Variants in HPSE2 observed in about 807,000 individuals in gnomAD.
The protein encoded by HPSE2 is heparanase 2 (inactive).
HPSE2 carries 38 observed loss-of-function variants against 60.5 expected under a neutral mutation model. That is an observed-to-expected ratio of 0.63 (90% CI 0.48 to 0.82). The LOEUF (loss-of-function observed/expected upper bound fraction) is 0.82. Ranked by LOEUF, HPSE2 falls within the 40% of genes least tolerant of loss-of-function variation. HPSE2 has a pLI of 0.00. For synonymous variants in HPSE2, 295 were observed against 293.2 expected (o/e 1.01, Z -0.06); for missense variants, 713 against 740.4 (o/e 0.96, Z 0.43).
At chr10:98,959,436 T>C (rs950152703) in intron 3 of HPSE2, among the ~76,000 whole-genome samples, 2 of 149,192 alleles carry the variant, frequency 1.3e-5, no homozygotes, top group Non-Finnish European at 3.0e-5. Flanking sequence ...CAAACACCCA[T>C]ATATCTTCAA....
chr10:99,094,392 T>C (rs976425664), intron 3 of HPSE2, among the ~76,000 whole-genome samples: 3 of 150,618 alleles, frequency 2.0e-5, no homozygotes, highest in South Asian at 2.1e-4. Context: ...AAAGTATGTG[T>C]ATACACACAT....
intron 11 of HPSE2, among the ~76,000 whole-genome samples, chr10:98,472,556 C>CT: frequency 6.6e-6 from 1 of 152,268 alleles, no homozygotes; most frequent in Admixed American, 6.5e-5. Context: ...ATCTGAAGCC[C>CT]TGCAGGGGTT....
At chr10:98,664,621 T>C (rs1443039994) in intron 6 of HPSE2, among the ~76,000 whole-genome samples, 1 of 152,180 alleles carries the variant, frequency 6.6e-6, no homozygotes, top group African/African-American at 2.4e-5. Context: ...TAAGGGCTTA[T>C]CTATCGGCCA....
intron 2 of HPSE2, among the ~76,000 whole-genome samples, chr10:99,173,067 T>TA (rs1847379366): frequency 6.6e-6 from 1 of 152,158 alleles, no homozygotes; most frequent in Non-Finnish European, 1.5e-5. Flanking sequence ...CTCAGAATAC[T>TA]AAGCCTGGAG....
At chr10:98,548,423 T>A (rs908699435) in intron 9 of HPSE2, among the ~76,000 whole-genome samples, 1 of 152,070 alleles carries the variant, frequency 6.6e-6, no homozygotes, top group African/African-American at 2.4e-5. Flanking sequence ...TCAAGACCAG[T>A]GTGGCCAACA....
chr10:98,828,144 A>AAATCTCTAT (rs925845252), intron 3 of HPSE2, among the ~76,000 whole-genome samples: 24 of 150,776 alleles, frequency 1.6e-4, no homozygotes, highest in African/African-American at 5.5e-4. Context: ...TCCTTAAAAT[A>AAATCTCTAT]AATCTCTATC....
chr10:98,502,104 T>A (rs1564923045), intron 9 of HPSE2, among the ~76,000 whole-genome samples: 1 of 152,168 alleles, frequency 6.6e-6, no homozygotes, highest in Non-Finnish European at 1.5e-5. Flanking sequence ...GTCAATATTG[T>A]GAAAATGACC....
chr10:99,276,872 A>G, the HPSE2 span, among the ~76,000 whole-genome samples: 1 of 152,218 alleles, frequency 6.6e-6, no homozygotes, highest in Non-Finnish European at 1.5e-5. Context: ...TTATCCTACT[A>G]TAATAATATT....
At chr10:98,622,859 G>A (rs962790154) in intron 7 of HPSE2, among the ~76,000 whole-genome samples, 3 of 152,086 alleles carry the variant, frequency 2.0e-5, no homozygotes, top group Non-Finnish European at 2.9e-5. Context: ...CAACTCAAGG[G>A]AAGCAGGGAA....
intron 9 of HPSE2, among the ~76,000 whole-genome samples, chr10:98,580,390 T>C (rs186959270): frequency 3.3e-4 from 50 of 152,200 alleles, no homozygotes; most frequent in African/African-American, 1.2e-3. Flanking sequence ...ACTAGTGAAA[T>C]AGGGGAACCT....
chr10:98,666,076 A>C (rs1947355039), intron 6 of HPSE2, among the ~76,000 whole-genome samples: 3 of 152,234 alleles, frequency 2.0e-5, no homozygotes, highest in Admixed American at 2.0e-4. Flanking sequence ...CTCAAAGTAA[A>C]GGGATGAATA....
rs574594566 is a variant in HPSE2, at chr10:98,938,718, T to A, written c.611-194662A>T. On this transcript the variant is annotated intron_variant, in intron 3 of 11. Coordinates refer to ENST00000370552, the MANE Select transcript of HPSE2 (RefSeq NM_021828.5). The stretch of plus-strand genomic sequence containing the variant: ...TAGCAAGGCACGCCAACATTCAGAC[T>A]CAGGAAATACAGAGAACGCCACAAA... Among the ~76,000 whole-genome samples the A allele has an allele frequency of 2.9e-4, 41 of 143,500 alleles. 5 individuals carry two copies. The highest frequency in any genetic ancestry group is 5.4e-4 in the Non-Finnish European group (36 of 67,132). 94.1% of individuals were successfully genotyped at this position (143,500 alleles called of 152,430 possible). A position where few individuals can be genotyped will look rare whatever the true frequency, so the allele number is the denominator to read the frequency against.
At chr10:99,021,596 C>T (rs972043295) in intron 3 of HPSE2, among the ~76,000 whole-genome samples, 7 of 151,784 alleles carry the variant, frequency 4.6e-5, no homozygotes, top group African/African-American at 9.7e-5. Flanking sequence ...AAATGTAATA[C>T]ATAAAAAGAG....
In HPSE2 at chr10:98,459,315, A is replaced by G; in HGVS notation, c.*259T>C. ...TTTCATAGTGCACATGAAGGGAAAC[A>G]TTCTGCTCTATACACATGCCTTTAT... On this transcript the variant is annotated 3_prime_UTR_variant, in exon 12 of 12. Coordinates refer to ENST00000370552, the MANE Select transcript of HPSE2 (RefSeq NM_021828.5). 1 of 512,148 alleles carries G rather than the reference A, an allele frequency of 2.0e-6. No homozygotes were observed. The highest frequency in any genetic ancestry group is 3.6e-6 in the Non-Finnish European group (1 of 280,748). 31.7% of individuals were successfully genotyped at this position (512,148 alleles called of 1,614,324 possible).
intron 3 of HPSE2, among the ~76,000 whole-genome samples, chr10:99,074,745 G>A (rs111987052): frequency 1.7e-4 from 26 of 151,956 alleles, no homozygotes; most frequent in African/African-American, 2.9e-4. Context: ...TTATTGGCCC[G>A]TCCAGATTTT....
At chr10:98,738,160 G>C (rs1428572129) in intron 4 of HPSE2, among the ~76,000 whole-genome samples, 2 of 152,052 alleles carry the variant, frequency 1.3e-5, no homozygotes, top group Non-Finnish European at 2.9e-5. Context: ...CAGAACAGAG[G>C]CCTCAGAAAT....
At position 98,551,918 on chromosome 10, in the gene HPSE2, C is replaced by A. The variant is rs943340566; in HGVS notation, c.1321-61722G>T. Among the ~76,000 whole-genome samples, 10 of 152,196 alleles carry A rather than the reference C, an allele frequency of 6.6e-5. No individual in the cohort carries two copies. The East Asian group carries it at 1.4e-3, about 21-fold the overall frequency. On this transcript the variant is annotated intron_variant, in intron 9 of 11. Transcript: ENST00000370552. The stretch of plus-strand genomic sequence containing the variant: ...CTAGCCAAAATCACTGAGTCAGTAA[C>A]CCCAGGGGAACAGCCTAGGAATCTT...
At chr10:98,738,450 T>C (rs976849075) in intron 4 of HPSE2, among the ~76,000 whole-genome samples, 1 of 151,996 alleles carries the variant, frequency 6.6e-6, no homozygotes, top group Admixed American at 6.6e-5. Flanking sequence ...CAAAATCAAT[T>C]GCAACAAAAG....
intron 3 of HPSE2, among the ~76,000 whole-genome samples, chr10:98,960,190 G>T (rs1277399202): frequency 6.6e-6 from 1 of 152,012 alleles, no homozygotes; most frequent in African/African-American, 2.4e-5. Context: ...TGCTTTTTCT[G>T]AATTTCTGAT....
Sources: allele counts gnomAD v4.1 joint callset (sites outside exome capture counted in the v4.1 genomes callset), GRCh38; gene constraint gnomAD v4.1.1; transcripts MANE v1.5; gene names NCBI Gene and HGNC (gene_info 2026-07-23, HGNC 2026-07-21).